Variants in RASGRF2 observed in about 807,000 individuals in gnomAD.
RASGRF2 encodes ras-specific guanine nucleotide-releasing factor 2.
In RASGRF2, 76 loss-of-function variants were observed where a neutral mutation model predicts 151.0. That is an observed-to-expected ratio of 0.50 (90% confidence interval 0.42 to 0.61). The LOEUF (loss-of-function observed/expected upper bound fraction) is 0.61, where lower values mean the gene tolerates loss of function less well. Among genes scored for constraint, RASGRF2 ranks in the 20% least tolerant of loss-of-function variants. RASGRF2 has a pLI of 0.00. For synonymous variants in RASGRF2, 504 were observed against 566.5 expected (o/e 0.89, Z 1.57); for missense variants, 1,148 against 1,564.6 (o/e 0.73, Z 4.49).
intron 1 of RASGRF2, among the ~76,000 whole-genome samples, chr5:81,040,829 G>A (rs191299295): frequency 3.9e-5 from 6 of 152,332 alleles, no homozygotes; most frequent in African/African-American, 1.2e-4. Context: ...GTTCACAGTG[G>A]TTAGGAACTT....
intron 17 of RASGRF2, 82 bp from the exon 18 acceptor site, chr5:81,180,093 A>C (rs1354555613): frequency 1.3e-6 from 1 of 770,104 alleles, no homozygotes; most frequent in Non-Finnish European, 2.3e-6. Context: ...TCGTTAACCA[A>C]TGTCCTAAAA....
chr5:81,115,557 A>G (rs991112175), intron 15 of RASGRF2, among the ~76,000 whole-genome samples: 7 of 152,198 alleles, frequency 4.6e-5, no homozygotes, highest in Admixed American at 2.6e-4. Context: ...ACTGCGGTAG[A>G]TAGGAGAGGA....
chr5:81,029,035 G>A (rs929837002), intron 1 of RASGRF2, among the ~76,000 whole-genome samples: 6 of 152,210 alleles, frequency 3.9e-5, no homozygotes, highest in South Asian at 4.1e-4. Context: ...CCATGCCCAC[G>A]GAGCCTCGCT....
Position 81,098,057 on chromosome 5 carries a change from G to A in RASGRF2, c.1755+3065G>A, listed in dbSNP as rs75945433. ...CGAGAGATGTTGAGAGCCTAGGCCA[G>A]CATGGCAGGAGTGGAGTTGGAGATT... On this transcript the variant is annotated intron_variant, in intron 12 of 26. Coordinates refer to ENST00000265080, the MANE Select transcript of RASGRF2 (RefSeq NM_006909.3). Among the ~76,000 whole-genome samples the A allele has an allele frequency of 1.2e-3, 185 of 152,340 alleles. 2 individuals are homozygous for A. The East Asian group carries it at 0.032, about 27-fold the overall frequency.
At chr5:81,054,903 TC>T (rs1221704393) in intron 2 of RASGRF2, among the ~76,000 whole-genome samples, 1 of 151,964 alleles carries the variant, frequency 6.6e-6, no homozygotes, top group African/African-American at 2.4e-5. Context: ...GAATGGGAGT[TC>T]ACTCATGATT....
At chr5:80,990,879 G>A (rs1357178068) in intron 1 of RASGRF2, among the ~76,000 whole-genome samples, 5 of 152,314 alleles carry the variant, frequency 3.3e-5, no homozygotes, top group Middle Eastern at 3.4e-3. Flanking sequence ...GCATAGCTCA[G>A]GTTAGTGATA....
chr5:81,070,341 C>T, intron 3 of RASGRF2, 151 bp from the exon 4 acceptor site: 1 of 627,342 alleles, frequency 1.6e-6, no homozygotes. Flanking sequence ...TCATGTTTCC[C>T]CCATCTCAGC....
intron 2 of RASGRF2, among the ~76,000 whole-genome samples, chr5:81,061,630 C>T (rs1191189323): frequency 6.6e-6 from 1 of 151,770 alleles, no homozygotes; most frequent in African/African-American, 2.4e-5. Context: ...GCCTCAGCCT[C>T]CTTGAGTAGC....
intron 17 of RASGRF2, among the ~76,000 whole-genome samples, chr5:81,137,100 G>A (rs1753772907): frequency 2.0e-5 from 3 of 152,020 alleles, no homozygotes. Context: ...ACCTTATGAT[G>A]GTGTGAAAGT....
chr5:81,064,465 A>G (rs1751535867), intron 2 of RASGRF2, among the ~76,000 whole-genome samples: 1 of 152,200 alleles, frequency 6.6e-6, no homozygotes. Flanking sequence ...CACACTCAAA[A>G]GGAAGGCCCT....
intron 16 of RASGRF2, 138 bp downstream of exon 16, chr5:81,123,905 C>A: frequency 8.5e-7 from 1 of 1,177,422 alleles, no homozygotes; most frequent in Non-Finnish European, 1.2e-6. Flanking sequence ...GAAGCAAATA[C>A]AGTCGGCCCT....
At chr5:81,059,589 G>C (rs753233039) in intron 2 of RASGRF2, among the ~76,000 whole-genome samples, 1 of 151,964 alleles carries the variant, frequency 6.6e-6, no homozygotes, top group Admixed American at 6.6e-5. Flanking sequence ...GCTCACACCT[G>C]TAATCCCAGC....
chr5:81,181,538 C>T (rs1016774637), intron 18 of RASGRF2, among the ~76,000 whole-genome samples: 20 of 152,208 alleles, frequency 1.3e-4, no homozygotes, highest in African/African-American at 4.6e-4. Flanking sequence ...TCCCTGTAGT[C>T]TCAGTGAGCT....
Position 81,221,483 on chromosome 5 carries a change from C to G in RASGRF2, c.3621+1705C>G, listed in dbSNP as rs144894805. Among the ~76,000 whole-genome samples the G allele has an allele frequency of 4.8e-4, 73 of 152,232 alleles. 1 individual carries two copies. Among genetic ancestry groups the G allele is most frequent in the African/African-American group, 1.6e-3 (68 of 41,536 alleles). ...GCCATCGGGTGCTCTTTCAGTTGAC[C>G]TCTTTGTCATACCCCAATCCATGTA... On this transcript the variant is annotated intron_variant, in intron 26 of 26. Transcript: ENST00000265080.
chr5:81,225,619 A>T, intron 26 of RASGRF2, 59 bp from the exon 27 acceptor site: 1 of 1,583,722 alleles, frequency 6.3e-7, no homozygotes. Flanking sequence ...ATTCCGTCAG[A>T]AAATGTACGC....
intron 17 of RASGRF2, among the ~76,000 whole-genome samples, chr5:81,131,464 C>T (rs865946679): frequency 1.3e-5 from 2 of 152,100 alleles, no homozygotes; most frequent in Non-Finnish European, 2.9e-5. Flanking sequence ...AAGCGATTCT[C>T]CTGTCTCAGC....
chr5:81,135,180 G>A (rs1388762630), intron 17 of RASGRF2, among the ~76,000 whole-genome samples: 2 of 151,376 alleles, frequency 1.3e-5, no homozygotes, highest in African/African-American at 2.4e-5. Flanking sequence ...GGTGGCACAC[G>A]CCTGTAGTCC....
In RASGRF2 at chr5:81,207,260, G is replaced by T; in HGVS notation, c.2982G>T (p.Lys994Asn). ...ATCTCTTGCAGACTGACTGCATGAA[G>T]GCCGAATGCTTTGAGTCCTTGTCGG... ...EDIIQMTDCMKAECFESLSAM... is the reference protein window; with the variant it reads ...EDIIQMTDCMNAECFESLSAM... The change falls in exon 21 of 27, where the codon AAG (lysine) becomes AAT (asparagine). Residue 994 changes from lysine to asparagine, a missense_variant. Transcript: ENST00000265080. 6.2e-7 allele frequency: 1 copy of T among 1,614,140 alleles called. No individual in the cohort carries two copies. Among genetic ancestry groups the T allele is most frequent in the Non-Finnish European group, 8.5e-7 (1 of 1,180,024 alleles).
At chr5:81,121,282 G>A (rs770064399) in intron 15 of RASGRF2, among the ~76,000 whole-genome samples, 14 of 152,262 alleles carry the variant, frequency 9.2e-5, no homozygotes, top group Non-Finnish European at 1.6e-4. Context: ...TATGAATCCC[G>A]TGCCAAGAAC....
Sources: gnomAD v4.1 joint callset for allele counts (sites outside exome capture counted in the v4.1 genomes callset) on GRCh38, gnomAD v4.1.1 for gene constraint, MANE v1.5 for transcripts, NCBI Gene and HGNC (gene_info 2026-07-23, HGNC 2026-07-21) for gene names.